The following ERCC8 variants were observed in gnomAD, a reference collection of about 807,000 sequenced individuals.
The protein encoded by ERCC8 is DNA excision repair protein ERCC-8.
Under a neutral mutation model 54.9 loss-of-function variants are expected in ERCC8, and 52 were observed. The observed-to-expected ratio is 0.95, with a 90% CI of 0.76 to 1.19. The LOEUF (loss-of-function observed/expected upper bound fraction) is 1.19, where lower values mean the gene tolerates loss of function less well. Ranked by LOEUF, ERCC8 falls within the 50% of genes most tolerant of loss-of-function variation. ERCC8 has a pLI of 0.00. For missense variants in ERCC8, 514 were observed against 466.1 expected, an observed-to-expected ratio of 1.10 and a Z score of -0.95; for synonymous variants, 146 against 157.2, an observed-to-expected ratio of 0.93 and a Z score of 0.53.
intron 11 of ERCC8, among the ~76,000 whole-genome samples, chr5:60,880,770 T>G (rs1402290303): frequency 1.3e-5 from 2 of 151,988 alleles, no homozygotes; most frequent in East Asian, 3.9e-4. Flanking sequence ...ATTTGTCTAA[T>G]TTTTTTTCAA....
intron 11 of ERCC8, among the ~76,000 whole-genome samples, chr5:60,883,833 G>C (rs1242882340): frequency 1.3e-5 from 2 of 152,158 alleles, no homozygotes; most frequent in African/African-American, 2.4e-5. Context: ...CTTTTAGAAA[G>C]GAGGGTCAAA....
intron 4 of ERCC8, among the ~76,000 whole-genome samples, chr5:60,913,844 T>C (rs1749346682): frequency 6.6e-6 from 1 of 152,154 alleles, no homozygotes; most frequent in South Asian, 2.1e-4. Context: ...CTTCATTTCG[T>C]TATGTACCCA....
intron 4 of ERCC8, among the ~76,000 whole-genome samples, chr5:60,911,070 T>C (rs554940381): frequency 4.6e-5 from 7 of 152,168 alleles, no homozygotes; most frequent in Non-Finnish European, 1.0e-4. Flanking sequence ...TTATATATTT[T>C]TTAATTATAC....
rs553680676 is a variant in ERCC8, at chr5:60,880,004, C to T, written c.1123-5321G>A. Among the ~76,000 whole-genome samples the T allele has an allele frequency of 3.0e-3, 454 of 152,146 alleles. 2 individuals carry two copies. The highest frequency in any genetic ancestry group is 0.012 in the East Asian group (63 of 5,180). The stretch of plus-strand genomic sequence containing the variant: ...GGCATGTTTTTGCAGTGGCTGGTAC[C>T]GGTTGTTCCTTTCCATGTTTAGTGC... On this transcript the variant is annotated intron_variant, in intron 11 of 11. Coordinates refer to ENST00000676185, the MANE Select transcript of ERCC8 (RefSeq NM_000082.4).
At chr5:60,881,851 C>T (rs1812404) in intron 11 of ERCC8, among the ~76,000 whole-genome samples, 33 of 152,112 alleles carry the variant, frequency 2.2e-4, no homozygotes, top group African/African-American at 4.3e-4. Flanking sequence ...ATGCTCAGTG[C>T]GCTGCACCCA....
At chr5:60,878,752 GCT>G (rs1561493329) in intron 11 of ERCC8, among the ~76,000 whole-genome samples, 4 of 151,656 alleles carry the variant, frequency 2.6e-5, no homozygotes, top group Non-Finnish European at 4.4e-5. Flanking sequence ...ATTTGATTCT[GCT>G]CTCTTTTCTT....
intron 1 of ERCC8, among the ~76,000 whole-genome samples, chr5:60,930,887 A>C (rs1433099452): frequency 6.6e-6 from 1 of 152,104 alleles, no homozygotes; most frequent in Non-Finnish European, 1.5e-5. Flanking sequence ...AGGCCGGATC[A>C]CTTGAGGTCA....
intron 11 of ERCC8, among the ~76,000 whole-genome samples, chr5:60,877,614 G>A (rs1294714104): frequency 6.6e-6 from 1 of 152,140 alleles, no homozygotes; most frequent in Non-Finnish European, 1.5e-5. Flanking sequence ...TGGATTCCTA[G>A]GTATTTTAAT....
In ERCC8 at chr5:60,872,090, G is replaced by A. The variant is rs964844356; in HGVS notation, c.*2525C>T. 2.6e-5 allele frequency among the ~76,000 whole-genome samples: 4 copies of A among 152,052 alleles called. No homozygotes were observed. In the East Asian group the frequency reaches 5.8e-4, roughly 22 times the overall value. ...TGTTAGGATTACAACCACCGTGCCCGGCCAATAGCTTTTTCAAACTAGCTT... is the reference window on the plus strand; with the variant it reads ...TGTTAGGATTACAACCACCGTGCCCAGCCAATAGCTTTTTCAAACTAGCTT... On this transcript the variant is annotated 3_prime_UTR_variant, in exon 12 of 12. Coordinates refer to ENST00000676185, the MANE Select transcript of ERCC8 (RefSeq NM_000082.4).
chr5:60,943,809 T>C (rs756486205), intron 1 of ERCC8, among the ~76,000 whole-genome samples: 5 of 152,024 alleles, frequency 3.3e-5, no homozygotes, highest in Non-Finnish European at 7.4e-5. Flanking sequence ...GGTGAACTTA[T>C]AGACATAAAT....
rs538852103 is a variant in ERCC8 at position 60,882,834 on chromosome 5, A to C, written c.1122+4606T>G. ...CCTGTCTTTTTGGGTTGTCAATTTG[A>C]CTATTAAATTAGGTTATTTAGTGAG... On this transcript the variant is annotated intron_variant, in intron 11 of 11. Transcript: ENST00000676185. Among the ~76,000 whole-genome samples, 56 of 152,250 alleles carry C rather than the reference A, an allele frequency of 3.7e-4. 2 individuals are homozygous for C. In the South Asian group the frequency reaches 9.3e-3, roughly 25 times the overall value.
Position 60,888,071 on chromosome 5 carries a change from T to C in ERCC8, c.1042-551A>G, listed in dbSNP as rs562837177. Among the ~76,000 whole-genome samples the C allele has an allele frequency of 3.9e-5, 6 of 152,334 alleles. No homozygotes were observed. The East Asian group carries it at 1.2e-3, about 29-fold the overall frequency. On this transcript the variant is annotated intron_variant, in intron 10 of 11. Coordinates refer to ENST00000676185, the MANE Select transcript of ERCC8 (RefSeq NM_000082.4). ...CCTATGTCAATGTCTACAGATATGC[T>C]GTTTGCTTATGGCTGAACAATGCTC...
Position 60,868,848 on chromosome 5 carries a change from C to G in ERCC8, c.*5767G>C, listed in dbSNP as rs1247050816. Among the ~76,000 whole-genome samples the G allele has an allele frequency of 2.6e-5, 4 of 152,142 alleles. No homozygotes were observed. The highest frequency in any genetic ancestry group is 4.4e-5 in the Non-Finnish European group (3 of 68,016). On this transcript the variant is annotated 3_prime_UTR_variant, in exon 12 of 12. Transcript: ENST00000676185. ...TTAAAACAGAAGAACTAGCACTATCCTGAGCCCTAGATTTAACCTTCCGAT... is the reference window on the plus strand; with the variant it reads ...TTAAAACAGAAGAACTAGCACTATCGTGAGCCCTAGATTTAACCTTCCGAT...
At chr5:60,894,867 T>C (rs917458704) in intron 9 of ERCC8, among the ~76,000 whole-genome samples, 4 of 152,046 alleles carry the variant, frequency 2.6e-5, no homozygotes, top group African/African-American at 9.7e-5. Context: ...AGGGCTAATA[T>C]TGAAGTTTAA....
Position 60,928,926 on chromosome 5 carries a change from A to G in ERCC8, c.111T>C (p.Asp37=), listed in dbSNP as rs1437452409. The G allele has an allele frequency of 6.2e-7, 1 of 1,608,034 alleles. No homozygotes were observed. The highest frequency in any genetic ancestry group is 2.2e-5 in the East Asian group (1 of 44,748). The change falls in exon 2 of 12, where the codon GAT becomes GAC. Residue 37 remains aspartate (D), a synonymous_variant. Transcript: ENST00000676185. The part of the protein sequence containing the change: ...VLGLELNKDR[D]VERIHGGGIN... The stretch of plus-strand genomic sequence containing the variant: ...TTCCACCGCCGTGGATTCTTTCAAC[A>G]TCTCTGTCTTTATTTAATTCCAGTC...
At chr5:60,874,748 A>G in intron 11 of ERCC8, 65 bp from the exon 12 acceptor site, 1 of 1,347,762 alleles carries the variant, frequency 7.4e-7, no homozygotes, top group Non-Finnish European at 1.0e-6. Flanking sequence ...TTTTAGGCTC[A>G]CAATAAAGTT....
chr5:60,938,090 A>ATATT (rs1561519206), intron 1 of ERCC8, among the ~76,000 whole-genome samples: 1 of 21,850 alleles, frequency 4.6e-5, no homozygotes, highest in Admixed American at 7.4e-4. Flanking sequence ...TATATATTTT[A>ATATT]TTTTTTTTTT....
intron 10 of ERCC8, among the ~76,000 whole-genome samples, chr5:60,888,962 C>T (rs912932070): frequency 1.3e-5 from 2 of 152,178 alleles, no homozygotes; most frequent in African/African-American, 4.8e-5. Context: ...TGCACTTAGT[C>T]GTCAAGTCTC....
At chr5:60,935,190 T>C (rs1355205153) in intron 1 of ERCC8, among the ~76,000 whole-genome samples, 3 of 152,216 alleles carry the variant, frequency 2.0e-5, no homozygotes, top group Non-Finnish European at 4.4e-5. Flanking sequence ...GTGTTTCCAT[T>C]TGTTTGTGTC....
Sources: gnomAD v4.1 joint callset for allele counts (sites outside exome capture counted in the v4.1 genomes callset) on GRCh38, gnomAD v4.1.1 for gene constraint, MANE v1.5 for transcripts, NCBI Gene and HGNC (gene_info 2026-07-23, HGNC 2026-07-21) for gene names.